The following TP63 variants were observed in gnomAD, a reference collection of about 807,000 sequenced individuals.
The protein encoded by TP63 is tumor protein 63.
In TP63, 17 loss-of-function variants were observed where a neutral mutation model predicts 82.8. That is an observed-to-expected ratio of 0.21 (90% CI 0.14 to 0.31). The LOEUF (loss-of-function observed/expected upper bound fraction) is 0.31. Among genes scored for constraint, TP63 ranks in the 10% least tolerant of loss-of-function variants. The probability of loss-of-function intolerance (pLI) is 1.00; values close to 1 mark genes in which losing one functional copy is unlikely to be tolerated. For synonymous variants in TP63, 330 were observed against 321.7 expected (o/e 1.03, Z -0.28); for missense variants, 648 against 895.3 (o/e 0.72, Z 3.52).
chr3:189,720,736 G>GAAAAAAAAAAA (rs548352369), intron 1 of TP63, among the ~76,000 whole-genome samples: 1 of 120,934 alleles, frequency 8.3e-6, no homozygotes. Flanking sequence ...CTCCGTCTCA[G>GAAAAAAAAAAA]AAAAAAAAAA....
chr3:189,609,563 CTGT>C, the TP63 span, among the ~76,000 whole-genome samples: 6 of 152,038 alleles, frequency 3.9e-5, no homozygotes, highest in Non-Finnish European at 8.8e-5. Flanking sequence ...CCCCCAGTGT[CTGT>C]TGTTTCCTTC....
chr3:189,624,269 C>G, the TP63 span, among the ~76,000 whole-genome samples: 1 of 152,064 alleles, frequency 6.6e-6, no homozygotes, highest in East Asian at 1.9e-4. Context: ...TTTCATCTTG[C>G]AAAACTGAAA....
intron 1 of TP63, among the ~76,000 whole-genome samples, chr3:189,658,516 A>G (rs4362700): frequency 0.34 from 51,466 of 151,826 alleles, 9,075 homozygotes; most frequent in Non-Finnish European, 0.38. Flanking sequence ...GTGACAATTC[A>G]AGTAGATAGT....
chr3:189,801,967 T>C (rs1395374154), intron 3 of TP63, among the ~76,000 whole-genome samples: 1 of 152,238 alleles, frequency 6.6e-6, no homozygotes, highest in Non-Finnish European at 1.5e-5. Flanking sequence ...CTACATAAAT[T>C]CTTCGGTTGG....
intron 1 of TP63, among the ~76,000 whole-genome samples, chr3:189,728,326 A>G (rs562833617): frequency 6.6e-6 from 1 of 152,358 alleles, no homozygotes; most frequent in East Asian, 1.9e-4. Context: ...CATACACAAA[A>G]TGGAAATGCC....
intron 4 of TP63, among the ~76,000 whole-genome samples, chr3:189,840,148 T>A (rs1713768731): frequency 6.6e-6 from 1 of 152,194 alleles, no homozygotes; most frequent in Non-Finnish European, 1.5e-5. Flanking sequence ...TCTGTCATAT[T>A]ACCCTTTCCC....
intron 1 of TP63, among the ~76,000 whole-genome samples, chr3:189,672,138 C>A (rs1334640597): frequency 2.0e-5 from 3 of 151,892 alleles, no homozygotes; most frequent in South Asian, 4.1e-4. Context: ...GATAAGAATG[C>A]AAAGATCACT....
intron 4 of TP63, among the ~76,000 whole-genome samples, chr3:189,827,605 A>G (rs1232311265): frequency 6.6e-6 from 1 of 152,256 alleles, no homozygotes; most frequent in Non-Finnish European, 1.5e-5. Context: ...TAGATATTCC[A>G]GGTAGAGGGA....
At chr3:189,663,996 G>A (rs10155001) in intron 1 of TP63, among the ~76,000 whole-genome samples, 6 of 151,898 alleles carry the variant, frequency 4.0e-5, no homozygotes, top group Admixed American at 2.0e-4. Flanking sequence ...GTGCTTTAGC[G>A]TAATTAACTT....
rs1019715489 is a variant in TP63 at position 189,896,999 on chromosome 3, C to T, written c.*2497C>T. On this transcript the variant is annotated 3_prime_UTR_variant, in exon 14 of 14. Coordinates refer to ENST00000264731, the MANE Select transcript of TP63 (RefSeq NM_003722.5). ...ACCTTTTTTTTTTCTTGGTAATCCC[C>T]TAAAATAACAGTATGTGGGATATTG... The T allele has an allele frequency of 7.5e-5, 17 of 226,572 alleles. No homozygotes were observed. Among genetic ancestry groups the T allele is most frequent in the African/African-American group, 3.8e-4 (17 of 44,838 alleles). 14.0% of individuals were successfully genotyped at this position (226,572 alleles called of 1,614,324 possible). A position where few individuals can be genotyped will look rare whatever the true frequency, so the allele number is the denominator to read the frequency against.
chr3:189,609,105 G>A, the TP63 span, among the ~76,000 whole-genome samples: 1 of 151,886 alleles, frequency 6.6e-6, no homozygotes, highest in South Asian at 2.1e-4. Context: ...AACCGCTGTG[G>A]GCAAGTTTCT....
At chr3:189,660,329 T>A (rs1316296748) in intron 1 of TP63, among the ~76,000 whole-genome samples, 1 of 152,084 alleles carries the variant, frequency 6.6e-6, no homozygotes, top group East Asian at 1.9e-4. Context: ...CTTATTTTTG[T>A]TGATTTTGTC....
At chr3:189,804,105 C>T (rs1216054486) in intron 3 of TP63, among the ~76,000 whole-genome samples, 1 of 152,154 alleles carries the variant, frequency 6.6e-6, no homozygotes, top group Non-Finnish European at 1.5e-5. Context: ...TGGAGTTCTT[C>T]CAAAGGCCGT....
chr3:189,686,494 A>G (rs1368774881), intron 1 of TP63, among the ~76,000 whole-genome samples: 1 of 152,034 alleles, frequency 6.6e-6, no homozygotes, highest in Non-Finnish European at 1.5e-5. Context: ...CAAAAAGTGA[A>G]TGGTAGGTGG....
chr3:189,638,289 A>AT (rs376062481), intron 1 of TP63, among the ~76,000 whole-genome samples: 2 of 152,050 alleles, frequency 1.3e-5, no homozygotes, highest in Non-Finnish European at 2.9e-5. Context: ...TGAATTTATT[A>AT]TTTTTTTATG....
chr3:189,828,974 A>G (rs1257781275), intron 4 of TP63, among the ~76,000 whole-genome samples: 1 of 152,236 alleles, frequency 6.6e-6, no homozygotes, highest in Non-Finnish European at 1.5e-5. Context: ...AGGAAAATGT[A>G]TTTGGCCTTT....
chr3:189,741,874 G>C (rs1244876149), intron 3 of TP63, among the ~76,000 whole-genome samples: 1 of 152,194 alleles, frequency 6.6e-6, no homozygotes, highest in Non-Finnish European at 1.5e-5. Context: ...GTAAAGGTGA[G>C]TGGAGGCTCT....
intron 1 of TP63, among the ~76,000 whole-genome samples, chr3:189,712,915 G>A (rs1718697045): frequency 6.6e-6 from 1 of 152,078 alleles, no homozygotes; most frequent in Non-Finnish European, 1.5e-5. Context: ...ATCTTGAGAG[G>A]GAGCCATTGA....
intron 4 of TP63, among the ~76,000 whole-genome samples, chr3:189,858,459 A>G (rs1401382935): frequency 6.6e-6 from 1 of 152,028 alleles, no homozygotes; most frequent in East Asian, 1.9e-4. Context: ...ACAGTAGAAT[A>G]CTATTCAGTC....
Sources: gnomAD v4.1 joint callset for allele counts (sites outside exome capture counted in the v4.1 genomes callset) on GRCh38, gnomAD v4.1.1 for gene constraint, MANE v1.5 for transcripts, NCBI Gene and HGNC (gene_info 2026-07-23, HGNC 2026-07-21) for gene names.